UNC13B: variants seen among roughly 807,000 people sequenced by gnomAD.
The protein encoded by UNC13B is unc-13 homolog B, also known as protein unc-13 homolog B.
UNC13B carries 144 observed loss-of-function variants against 211.0 expected under a neutral mutation model. The ratio of observed to expected loss-of-function variants is 0.68; its 90% CI spans 0.60 to 0.78. The LOEUF is 0.78. UNC13B is among the 30% of genes least tolerant of loss of function. The pLI, the probability that UNC13B is intolerant of heterozygous loss-of-function variation, is 0.00. For synonymous variants in UNC13B, 709 were observed against 725.8 expected (o/e 0.98, Z 0.37); for missense variants, 1,777 against 2,002.0 (o/e 0.89, Z 2.14).
At chr9:35,220,527 T>G (rs1351571364) in intron 1 of UNC13B, among the ~76,000 whole-genome samples, 1 of 152,126 alleles carries the variant, frequency 6.6e-6, no homozygotes, top group South Asian at 2.1e-4. Context: ...AGCGAGAGCA[T>G]GTGAAGTTTG....
At chr9:35,383,965 T>C (rs1304223931) in intron 21 of UNC13B, among the ~76,000 whole-genome samples, 1 of 152,206 alleles carries the variant, frequency 6.6e-6, no homozygotes, top group Non-Finnish European at 1.5e-5. Context: ...TTGACTCTCA[T>C]ATAGAAGGAG....
At chr9:35,393,702 G>A (rs1835690501) in intron 26 of UNC13B, among the ~76,000 whole-genome samples, 1 of 151,316 alleles carries the variant, frequency 6.6e-6, no homozygotes, top group Non-Finnish European at 1.5e-5. Flanking sequence ...CACCCGAGTA[G>A]CTGGGATTAC....
chr9:35,190,535 C>A (rs942017954), intron 1 of UNC13B, among the ~76,000 whole-genome samples: 1 of 152,044 alleles, frequency 6.6e-6, no homozygotes, highest in African/African-American at 2.4e-5. Flanking sequence ...ATGAGGAAAA[C>A]AGTTTTTTTT....
At chr9:35,181,770 G>A (rs1286285278) in intron 1 of UNC13B, among the ~76,000 whole-genome samples, 2 of 152,184 alleles carry the variant, frequency 1.3e-5, no homozygotes, top group Non-Finnish European at 2.9e-5. Flanking sequence ...CCAGGAGGTG[G>A]AGGTTGCAGT....
At chr9:35,211,098 T>G (rs978293801) in intron 1 of UNC13B, among the ~76,000 whole-genome samples, 1 of 152,224 alleles carries the variant, frequency 6.6e-6, no homozygotes, top group African/African-American at 2.4e-5. Context: ...TAAGCTGAAA[T>G]ATTTTAAGTC....
At position 35,301,828 on chromosome 9, in the gene UNC13B, G is replaced by A. The variant is rs185290789; in HGVS notation, c.2424G>A (p.Glu808=). The A allele has an allele frequency of 2.5e-6, 1 of 398,848 alleles. No individual in the cohort carries two copies. Among genetic ancestry groups the A allele is most frequent in the Non-Finnish European group, 4.4e-6 (1 of 225,916 alleles). 24.7% of individuals were successfully genotyped at this position (398,848 alleles called of 1,614,324 possible). Reference sequence around the variant, plus strand: ...TTACAGGTAATGATGATTTCCTTGAGCCACTCAGAAAATCATTTAGCCAGT... The same window carrying A: ...TTACAGGTAATGATGATTTCCTTGAACCACTCAGAAAATCATTTAGCCAGT... ...DKVTGNDDFL[E]PLRKSFSQFL... The change falls in exon 9 of 40, where the codon GAG becomes GAA. Residue 808 remains glutamate, a synonymous_variant. Coordinates refer to ENST00000635942, the MANE Select transcript of UNC13B (RefSeq NM_001371189.2).
At chr9:35,386,117 C>T (rs2132284266) in intron 23 of UNC13B, 48 bp from the exon 24 acceptor site, 1 of 1,611,990 alleles carries the variant, frequency 6.2e-7, no homozygotes, top group Non-Finnish European at 8.5e-7. Flanking sequence ...GAATATCCCA[C>T]CCAGGTGAGC....
intron 7 of UNC13B, among the ~76,000 whole-genome samples, chr9:35,295,044 G>A (rs76665045): frequency 4.9e-4 from 75 of 152,236 alleles, no homozygotes; most frequent in Admixed American, 2.0e-3. Flanking sequence ...CTGAGCCTAG[G>A]GTGTAGGTGC....
chr9:35,364,553 C>T, intron 11 of UNC13B: 2 of 1,536,048 alleles, frequency 1.3e-6, no homozygotes, highest in Non-Finnish European at 1.7e-6. Flanking sequence ...AGAAGAAAAG[C>T]GAGGAGCCCT....
intron 1 of UNC13B, among the ~76,000 whole-genome samples, chr9:35,174,534 C>T (rs1358754089): frequency 4.0e-5 from 6 of 151,406 alleles, no homozygotes; most frequent in Non-Finnish European, 8.8e-5. Context: ...CCGTGCTGGC[C>T]AGGCTAGTCT....
intron 1 of UNC13B, among the ~76,000 whole-genome samples, chr9:35,223,471 C>T (rs1349418732): frequency 6.6e-6 from 1 of 151,628 alleles, no homozygotes. Flanking sequence ...TTTTCATATA[C>T]ATGTTGGCCA....
chr9:35,196,318 G>A (rs1463554044), intron 1 of UNC13B, among the ~76,000 whole-genome samples: 2 of 152,230 alleles, frequency 1.3e-5, no homozygotes, highest in Non-Finnish European at 2.9e-5. Flanking sequence ...ATTGTTCCAT[G>A]CATAGAACTG....
chr9:35,167,069 AT>A (rs973242321), intron 1 of UNC13B, among the ~76,000 whole-genome samples: 52 of 151,580 alleles, frequency 3.4e-4, no homozygotes, highest in African/African-American at 1.2e-3. Flanking sequence ...GTGTTAGTGT[AT>A]TTTTTTTATT....
chr9:35,380,777 CTG>C (rs1019906511), intron 18 of UNC13B, 138 bp downstream of exon 18: 16 of 1,168,312 alleles, frequency 1.4e-5, no homozygotes, highest in Non-Finnish European at 1.8e-5. Context: ...AAAGAACTGA[CTG>C]TGGGGAGGGA....
At chr9:35,252,756 C>G (rs1267755771) in intron 6 of UNC13B, among the ~76,000 whole-genome samples, 1 of 151,956 alleles carries the variant, frequency 6.6e-6, no homozygotes, top group Non-Finnish European at 1.5e-5. Flanking sequence ...CAGTGAAACC[C>G]CGTCTCTACT....
chr9:35,191,347 C>A (rs750504632), intron 1 of UNC13B, among the ~76,000 whole-genome samples: 4 of 152,186 alleles, frequency 2.6e-5, no homozygotes, highest in Non-Finnish European at 5.9e-5. Context: ...ACCCAACCAA[C>A]TCCATTTTGT....
At position 35,303,258 on chromosome 9, in the gene UNC13B, C is replaced by T. The variant is rs1829772567; in HGVS notation, c.3854C>T (p.Pro1285Leu). The change falls in exon 9 of 40, where the codon CCC becomes CTC. Residue 1285 changes from proline (P) to leucine (L), a missense_variant. Physicochemically the swap from Pro to Leu is moderately conservative, Grantham distance 98. Coordinates refer to ENST00000635942, the MANE Select transcript of UNC13B (RefSeq NM_001371189.2). The stretch of plus-strand genomic sequence containing the variant: ...AACCAGCAAAGTGAAAAGCATCACC[C>T]CTCCTCTGAGAACATTGTACTTCAC... Reference protein sequence around the residue: ...EKNQQSEKHHPSSENIVLHCA... With the variant: ...EKNQQSEKHHLSSENIVLHCA... The T allele has an allele frequency of 2.5e-6, 1 of 398,324 alleles. No homozygotes were observed. The highest frequency in any genetic ancestry group is 4.4e-6 in the Non-Finnish European group (1 of 225,738). The allele number at this position is 398,324 out of a possible 1,614,324, so 24.7% of individuals were successfully genotyped here.
chr9:35,294,926 C>A (rs73499342), intron 7 of UNC13B, among the ~76,000 whole-genome samples: 1 of 152,304 alleles, frequency 6.6e-6, no homozygotes, highest in Admixed American at 6.5e-5. Context: ...AATAATTCTA[C>A]GAAATTGTAG....
At chr9:35,344,031 C>T (rs1445440092) in intron 11 of UNC13B, among the ~76,000 whole-genome samples, 1 of 151,994 alleles carries the variant, frequency 6.6e-6, no homozygotes, top group Non-Finnish European at 1.5e-5. Flanking sequence ...ACATGTGGTT[C>T]ACATTATATT....
Sources: gnomAD v4.1 joint callset for allele counts (sites outside exome capture counted in the v4.1 genomes callset) on GRCh38, gnomAD v4.1.1 for gene constraint, MANE v1.5 for transcripts, NCBI Gene and HGNC (gene_info 2026-07-23, HGNC 2026-07-21) for gene names.